TRMT9B: variants seen among roughly 807,000 people sequenced by gnomAD.
TRMT9B encodes probable tRNA methyltransferase 9B.
In TRMT9B, 16 loss-of-function variants were observed where a neutral mutation model predicts 11.5. That is an observed-to-expected ratio of 1.39 (90% confidence interval 0.94 to 2.11). The LOEUF (loss-of-function observed/expected upper bound fraction) is 2.11. Ranked by LOEUF, TRMT9B falls within the 30% of genes most tolerant of loss-of-function variation. TRMT9B has a pLI of 0.00. For missense variants in TRMT9B, 941 were observed against 553.8 expected, an observed-to-expected ratio of 1.70 and a Z score of -7.02; for synonymous variants, 274 against 192.4, an observed-to-expected ratio of 1.42 and a Z score of -3.51.
At chr8:12,963,819 G>C (rs188127496) in intron 1 of TRMT9B, among the ~76,000 whole-genome samples, 2 of 152,230 alleles carry the variant, frequency 1.3e-5, no homozygotes, top group Non-Finnish European at 2.9e-5. Context: ...AGCTGTGCCT[G>C]AGTAGCTCCT....
intron 4 of TRMT9B, among the ~76,000 whole-genome samples, chr8:13,020,665 C>G (rs1416710667): frequency 3.3e-5 from 5 of 152,066 alleles, no homozygotes; most frequent in Non-Finnish European, 7.4e-5. Flanking sequence ...GACCATCCTT[C>G]TGGTTAAAAA....
chr8:12,999,172 G>A (rs1002650026), intron 2 of TRMT9B, among the ~76,000 whole-genome samples: 1 of 151,888 alleles, frequency 6.6e-6, no homozygotes, highest in East Asian at 1.9e-4. Flanking sequence ...GGTGGTACGT[G>A]CCTATAATTC....
At chr8:13,003,752 G>C (rs1384979187) in intron 2 of TRMT9B, among the ~76,000 whole-genome samples, 1 of 151,052 alleles carries the variant, frequency 6.6e-6, no homozygotes, top group Non-Finnish European at 1.5e-5. Context: ...TAAATGGAAG[G>C]CTCCACTGAT....
At chr8:13,020,004 T>C (rs1813515016) in intron 4 of TRMT9B, among the ~76,000 whole-genome samples, 1 of 152,210 alleles carries the variant, frequency 6.6e-6, no homozygotes. Context: ...GTGATATTTC[T>C]TTACTAGTTT....
In TRMT9B at chr8:13,021,209, G is replaced by C; in HGVS notation, c.530G>C (p.Arg177Thr). Reference protein sequence around the residue: ...QLFSESSQSGRKRQCGYPERG... With the variant: ...QLFSESSQSGTKRQCGYPERG... ...TTCTCAGAGTCCAGCCAGTCTGGGA[G>C]GAAGAGGCAGTGTGGATACCCAGAA... The change falls in exon 5 of 5, where the codon AGG becomes ACG. Residue 177 changes from arginine (R) to threonine (T), a missense_variant. Transcript: ENST00000524591. 6.2e-7 allele frequency: 1 copy of C among 1,613,834 alleles called. No individual in the cohort carries two copies. The highest frequency in any genetic ancestry group is 8.5e-7 in the Non-Finnish European group (1 of 1,179,784).
Position 12,990,865 on chromosome 8 carries a change from AG to A in TRMT9B, c.-166del. On this transcript the variant is annotated 5_prime_UTR_variant, in exon 2 of 5. It removes the in-frame stop codon of an upstream open reading frame in the 5' UTR. Coordinates refer to ENST00000524591, the MANE Select transcript of TRMT9B (RefSeq NM_020844.3). The stretch of plus-strand genomic sequence containing the variant: ...TGCTTCCTTCAGAGACTCACACAAG[AG>A]GTTTATCATGAGAAGGACCGCACTA... 1 of 1,289,604 alleles carries A rather than the reference AG, an allele frequency of 7.8e-7. No homozygotes were observed. The highest frequency in any genetic ancestry group is 1.2e-5 in the South Asian group (1 of 80,960). The allele number at this position is 1,289,604 out of a possible 1,614,324, so 79.9% of individuals were successfully genotyped here.
At chr8:12,949,363 A>G (rs1198238124) in intron 1 of TRMT9B, among the ~76,000 whole-genome samples, 1 of 152,156 alleles carries the variant, frequency 6.6e-6, no homozygotes, top group African/African-American at 2.4e-5. Context: ...TTTGACAGTC[A>G]TTTTTTATCC....
intron 2 of TRMT9B, among the ~76,000 whole-genome samples, chr8:12,992,110 G>A (rs977228864): frequency 1.3e-5 from 2 of 152,182 alleles, no homozygotes; most frequent in African/African-American, 4.8e-5. Context: ...GTTTTGCAGA[G>A]GGAGCTAAGA....
intron 1 of TRMT9B, among the ~76,000 whole-genome samples, chr8:12,990,004 G>A (rs1198774143): frequency 6.6e-6 from 1 of 152,176 alleles, no homozygotes; most frequent in African/African-American, 2.4e-5. Context: ...CAGGACTAGG[G>A]TTGGGCTGGT....
At chr8:12,959,279 A>G (rs926672283) in intron 1 of TRMT9B, among the ~76,000 whole-genome samples, 18 of 152,158 alleles carry the variant, frequency 1.2e-4, no homozygotes, top group Admixed American at 1.0e-3. Flanking sequence ...TGCCAAGTGG[A>G]AAAATCCCAC....
rs1436778108 is a variant in TRMT9B, at chr8:13,004,139, T to C, written c.-1-2063T>C. Among the ~76,000 whole-genome samples the C allele has an allele frequency of 2.6e-5, 4 of 152,140 alleles. No individual in the cohort carries two copies. The East Asian group carries it at 7.9e-4, about 30-fold the overall frequency. On this transcript the variant is annotated intron_variant, in intron 2 of 4. Transcript: ENST00000524591. Reference sequence around the variant, plus strand: ...CCAGCCCTAGCCAGAGGGGAATTGCTGGTCCCAGCAGTCTGAACTTGAGTT... The same window carrying C: ...CCAGCCCTAGCCAGAGGGGAATTGCCGGTCCCAGCAGTCTGAACTTGAGTT...
chr8:12,957,480 C>G (rs1178820590), intron 1 of TRMT9B, among the ~76,000 whole-genome samples: 2 of 149,522 alleles, frequency 1.3e-5, no homozygotes, highest in African/African-American at 2.5e-5. Context: ...TAAAAAAATA[C>G]AGGTACATTC....
chr8:13,011,188 G>A (rs565105138), intron 3 of TRMT9B: 1 of 482,870 alleles, frequency 2.1e-6, no homozygotes, highest in South Asian at 8.8e-5. Flanking sequence ...GTTTCATCAT[G>A]TTGGCCAGAC....
chr8:12,988,906 A>ATTT (rs201382641), intron 1 of TRMT9B, among the ~76,000 whole-genome samples: 5,303 of 152,166 alleles, frequency 0.035, 104 homozygotes, highest in African/African-American at 0.053. Context: ...CCCAGAAGTA[A>ATTT]AGTTCTACTG....
intron 1 of TRMT9B, among the ~76,000 whole-genome samples, chr8:12,969,677 T>C (rs1420127901): frequency 6.6e-6 from 1 of 151,858 alleles, no homozygotes. Context: ...CTTTCTTCTT[T>C]TTTTAGAGAG....
At chr8:13,012,904 G>T (rs779854442) in intron 4 of TRMT9B, 47 bp downstream of exon 4, 17 of 1,599,800 alleles carry the variant, frequency 1.1e-5, no homozygotes, top group South Asian at 1.1e-5. Flanking sequence ...GAGAATAATT[G>T]ACCCGGTTTA....
chr8:13,006,056 T>G, intron 2 of TRMT9B, 146 bp from the exon 3 acceptor site: 1 of 697,004 alleles, frequency 1.4e-6, no homozygotes, highest in Non-Finnish European at 2.3e-6. Context: ...AGTGAAGGTA[T>G]TGTTCTTTGC....
At chr8:12,988,066 G>C (rs1369007428) in intron 1 of TRMT9B, among the ~76,000 whole-genome samples, 3 of 152,172 alleles carry the variant, frequency 2.0e-5, no homozygotes, top group Non-Finnish European at 4.4e-5. Flanking sequence ...TGCTGTTATT[G>C]CTGTTGTTAT....
At chr8:13,020,866 G>A in intron 4 of TRMT9B, 142 bp from the exon 5 acceptor site, 1 of 566,018 alleles carries the variant, frequency 1.8e-6, no homozygotes, top group South Asian at 3.1e-5. Context: ...TGTTATTTCT[G>A]TCATCATCGT....
Sources: gnomAD v4.1 joint callset for allele counts (sites outside exome capture counted in the v4.1 genomes callset) on GRCh38, gnomAD v4.1.1 for gene constraint, MANE v1.5 for transcripts, NCBI Gene and HGNC (gene_info 2026-07-23, HGNC 2026-07-21) for gene names.